Variants in VAV3 observed in about 807,000 individuals in gnomAD.
VAV3 encodes the protein guanine nucleotide exchange factor VAV3.
VAV3 carries 94 observed loss-of-function variants against 131.2 expected under a neutral mutation model. The observed-to-expected ratio is 0.72, with a 90% CI of 0.61 to 0.85. The LOEUF (loss-of-function observed/expected upper bound fraction) is 0.85. Among genes scored for constraint, VAV3 ranks in the 40% least tolerant of loss-of-function variants. VAV3 has a pLI of 0.00. For missense variants in VAV3, 939 were observed against 1,002.7 expected (o/e 0.94, Z 0.86); for synonymous variants, 349 against 342.0 (o/e 1.02, Z -0.22).
intron 21 of VAV3, among the ~76,000 whole-genome samples, chr1:107,613,668 T>G (rs940210059): frequency 5.9e-5 from 9 of 152,120 alleles, no homozygotes; most frequent in African/African-American, 2.2e-4. Context: ...AATTATATAT[T>G]TTATTGTTTC....
At chr1:107,687,766 C>G (rs1438211146) in intron 18 of VAV3, among the ~76,000 whole-genome samples, 2 of 152,074 alleles carry the variant, frequency 1.3e-5, no homozygotes, top group Admixed American at 1.3e-4. Flanking sequence ...TCCTACATAT[C>G]CCATCATCTT....
At chr1:107,599,755 T>C (rs1007940845) in intron 24 of VAV3, among the ~76,000 whole-genome samples, 1 of 151,712 alleles carries the variant, frequency 6.6e-6, no homozygotes, top group African/African-American at 2.4e-5. Context: ...TTTGCTTATG[T>C]TTTACACACT....
chr1:107,614,430 T>C (rs1652987078), intron 21 of VAV3, among the ~76,000 whole-genome samples: 1 of 151,822 alleles, frequency 6.6e-6, no homozygotes, highest in African/African-American at 2.4e-5. Flanking sequence ...ATCTATCCCC[T>C]CCTCTTCAAA....
At chr1:107,663,219 C>T (rs1420299661) in intron 19 of VAV3, among the ~76,000 whole-genome samples, 1 of 152,132 alleles carries the variant, frequency 6.6e-6, no homozygotes, top group Non-Finnish European at 1.5e-5. Flanking sequence ...TATACTTTCC[C>T]TTTGCAGATA....
chr1:107,767,784 C>A (rs972058301), intron 7 of VAV3, among the ~76,000 whole-genome samples: 73 of 152,222 alleles, frequency 4.8e-4, no homozygotes, highest in African/African-American at 1.6e-3. Flanking sequence ...CCTAGCATTA[C>A]CTCACTTGGC....
chr1:107,796,362 C>T (rs1207406727), intron 2 of VAV3, among the ~76,000 whole-genome samples: 2 of 152,058 alleles, frequency 1.3e-5, no homozygotes, highest in Non-Finnish European at 2.9e-5. Context: ...GAGCAAACAG[C>T]GAACCAGTCT....
chr1:107,907,897 CAG>C (rs1017276098), intron 1 of VAV3, among the ~76,000 whole-genome samples: 9 of 152,094 alleles, frequency 5.9e-5, no homozygotes, highest in Non-Finnish European at 1.2e-4. Flanking sequence ...TAGACAGTAA[CAG>C]AGTTTAGAAA....
At chr1:107,841,460 T>C (rs1668705203) in intron 2 of VAV3, among the ~76,000 whole-genome samples, 1 of 152,180 alleles carries the variant, frequency 6.6e-6, no homozygotes, top group Non-Finnish European at 1.5e-5. Context: ...AAGGCATCTA[T>C]AACAAGGATA....
At chr1:107,771,178 G>C (rs972839844) in intron 5 of VAV3, among the ~76,000 whole-genome samples, 4 of 151,312 alleles carry the variant, frequency 2.6e-5, no homozygotes, top group African/African-American at 9.7e-5. Context: ...AAGATTGGAA[G>C]TCATAGAGCA....
chr1:107,767,724 G>T (rs1664812921), intron 7 of VAV3, among the ~76,000 whole-genome samples: 2 of 152,134 alleles, frequency 1.3e-5, no homozygotes, highest in African/African-American at 4.8e-5. Context: ...CATGGGGGTG[G>T]GGATGTATAA....
chr1:107,605,856 A>G (rs1371589068), intron 22 of VAV3, among the ~76,000 whole-genome samples: 1 of 152,234 alleles, frequency 6.6e-6, no homozygotes, highest in East Asian at 1.9e-4. Flanking sequence ...CTGAAATTCA[A>G]AACACTTCCG....
In VAV3 at chr1:107,796,805, AT is replaced by A. The variant is rs557513944; in HGVS notation, c.322-17314del. Among the ~76,000 whole-genome samples the A allele has an allele frequency of 3.6e-3, 426 of 118,942 alleles. 2 individuals are homozygous for A. The South Asian group carries it at 0.038, about 11-fold the overall frequency. 78.0% of individuals were successfully genotyped at this position (118,942 alleles called of 152,430 possible). On this transcript the variant is annotated intron_variant, in intron 2 of 26. Coordinates refer to ENST00000370056, the MANE Select transcript of VAV3 (RefSeq NM_006113.5). ...CTGTTATTTGTAAAAAAAAAAAAAA[AT>A]ATATATATATATGCAAATTTACCAT...
chr1:107,705,340 G>T (rs536910063), intron 15 of VAV3, among the ~76,000 whole-genome samples: 2 of 146,866 alleles, frequency 1.4e-5, no homozygotes, highest in Non-Finnish European at 3.0e-5. Flanking sequence ...TGGCCACATA[G>T]GTCAACCTGC....
intron 15 of VAV3, among the ~76,000 whole-genome samples, chr1:107,748,559 T>C (rs1414435399): frequency 6.6e-6 from 1 of 152,218 alleles, no homozygotes; most frequent in African/African-American, 2.4e-5. Flanking sequence ...AAATAAGATA[T>C]ATGCATTTAC....
chr1:107,894,200 G>A (rs1283090916), intron 1 of VAV3, among the ~76,000 whole-genome samples: 1 of 152,168 alleles, frequency 6.6e-6, no homozygotes, highest in Non-Finnish European at 1.5e-5. Flanking sequence ...CCAAATAATG[G>A]TATATGTTTA....
At chr1:107,664,246 A>T (rs1483329729) in intron 19 of VAV3, among the ~76,000 whole-genome samples, 1 of 152,122 alleles carries the variant, frequency 6.6e-6, no homozygotes, top group African/African-American at 2.4e-5. Flanking sequence ...GGTTTGTTAC[A>T]TAAGTAAACA....
chr1:107,921,545 A>G (rs1385526039), intron 1 of VAV3, among the ~76,000 whole-genome samples: 5 of 152,206 alleles, frequency 3.3e-5, no homozygotes, highest in African/African-American at 7.2e-5. Flanking sequence ...AAAGTTCTGG[A>G]AAGTGGTAGG....
intron 2 of VAV3, among the ~76,000 whole-genome samples, chr1:107,807,636 A>G (rs1297021570): frequency 6.6e-6 from 1 of 152,228 alleles, no homozygotes; most frequent in Admixed American, 6.5e-5. Flanking sequence ...CACATAGCCC[A>G]GCCCCACTCT....
chr1:107,890,259 T>G, intron 1 of VAV3, among the ~76,000 whole-genome samples: 1 of 152,282 alleles, frequency 6.6e-6, no homozygotes, highest in Non-Finnish European at 1.5e-5. Flanking sequence ...TATCTGTATG[T>G]TTACACATAC....
Sources: allele counts gnomAD v4.1 joint callset (sites outside exome capture counted in the v4.1 genomes callset), GRCh38; gene constraint gnomAD v4.1.1; transcripts MANE v1.5; gene names NCBI Gene and HGNC (gene_info 2026-07-23, HGNC 2026-07-21).